Variants in STOX2 observed in about 807,000 individuals in gnomAD.
STOX2 encodes the protein storkhead box 2.
Under a neutral mutation model 60.9 loss-of-function variants are expected in STOX2, and 28 were observed. The observed-to-expected ratio is 0.46, with a 90% CI of 0.34 to 0.63. The LOEUF (loss-of-function observed/expected upper bound fraction) is 0.63, where lower values mean the gene tolerates loss of function less well. STOX2 is among the 30% of genes least tolerant of loss of function. The pLI is 0.01. For synonymous variants in STOX2, 472 were observed against 463.9 expected (o/e 1.02, Z -0.22); for missense variants, 1,024 against 1,187.7 (o/e 0.86, Z 2.03).
chr4:183,955,536 C>T (rs113589168), intron 1 of STOX2, among the ~76,000 whole-genome samples: 19 of 152,206 alleles, frequency 1.2e-4, no homozygotes, highest in African/African-American at 4.1e-4. Flanking sequence ...CTCCTCTGAT[C>T]GGGACTAGTA....
rs1282980364 is a variant in STOX2 at position 184,020,771 on chromosome 4, ATGT to A, written c.*3491_*3493del. On this transcript the variant is annotated 3_prime_UTR_variant, in exon 4 of 4. Transcript: ENST00000308497. ...AAAATAACAAATTACTTCTTCTCTG[ATGT>A]TGTGAAGGTCAGGTTCAGGAAGCAT... 2 of 152,150 alleles carry A rather than the reference ATGT, an allele frequency of 1.3e-5. No individual in the cohort carries two copies. Among genetic ancestry groups the A allele is most frequent in the African/African-American group, 2.4e-5 (1 of 41,438 alleles). 9.4% of individuals were successfully genotyped at this position (152,150 alleles called of 1,614,324 possible). A position where few individuals can be genotyped will look rare whatever the true frequency, so the allele number is the denominator to read the frequency against.
chr4:183,897,641 A>C (rs1741367484), intron 1 of STOX2, among the ~76,000 whole-genome samples: 1 of 152,234 alleles, frequency 6.6e-6, no homozygotes, highest in East Asian at 1.9e-4. Context: ...AGCTTGATAA[A>C]AGAGCCTCAT....
At chr4:183,899,710 A>G (rs1460102975) in intron 1 of STOX2, among the ~76,000 whole-genome samples, 1 of 152,228 alleles carries the variant, frequency 6.6e-6, no homozygotes, top group African/African-American at 2.4e-5. Context: ...TCTCCATAAC[A>G]TAAAAGTGCA....
At chr4:183,847,625 A>T (rs1349169455) in intron 1 of STOX2, among the ~76,000 whole-genome samples, 3 of 152,202 alleles carry the variant, frequency 2.0e-5, no homozygotes, top group Non-Finnish European at 4.4e-5. Context: ...GCTGTCTTCA[A>T]GACCACAATC....
intron 1 of STOX2, among the ~76,000 whole-genome samples, chr4:183,973,428 T>A (rs1172135628): frequency 6.6e-6 from 1 of 152,146 alleles, no homozygotes; most frequent in Non-Finnish European, 1.5e-5. Flanking sequence ...ACAAGTTGAA[T>A]GACTGAAGAT....
intron 1 of STOX2, among the ~76,000 whole-genome samples, chr4:183,980,637 TCTTTA>T (rs966035720): frequency 1.3e-5 from 2 of 152,178 alleles, no homozygotes; most frequent in Non-Finnish European, 2.9e-5. Flanking sequence ...GGCCAGTATT[TCTTTA>T]CTTTACACTC....
At chr4:183,822,255 A>G (rs1739319028) in intron 1 of STOX2, among the ~76,000 whole-genome samples, 1 of 152,212 alleles carries the variant, frequency 6.6e-6, no homozygotes, top group African/African-American at 2.4e-5. Flanking sequence ...GCTTAGATTG[A>G]GAAGTAACCC....
At position 183,938,569 on chromosome 4, in the gene STOX2, G is replaced by A. The variant is rs577856646; in HGVS notation, c.166+31613G>A. On this transcript the variant is annotated intron_variant, in intron 1 of 3. Coordinates refer to ENST00000308497, the MANE Select transcript of STOX2 (RefSeq NM_020225.3). ...CTGTAATCCCAGCTACTCAGGAGGC[G>A]GAGGCAGGAGAATTGCTTGAACCCA... Among the ~76,000 whole-genome samples the A allele has an allele frequency of 4.2e-4, 63 of 151,422 alleles. 1 individual carries two copies. Among genetic ancestry groups the A allele is most frequent in the African/African-American group, 1.5e-3 (62 of 41,264 alleles).
At chr4:183,881,032 G>A (rs1006944791) in intron 1 of STOX2, among the ~76,000 whole-genome samples, 7 of 152,208 alleles carry the variant, frequency 4.6e-5, no homozygotes, top group African/African-American at 1.4e-4. Flanking sequence ...CAACAGAGCT[G>A]TAGGGTGGTA....
intron 1 of STOX2, among the ~76,000 whole-genome samples, chr4:183,811,964 C>T (rs559577194): frequency 5.3e-4 from 65 of 123,010 alleles, no homozygotes; most frequent in African/African-American, 2.2e-3. Context: ...GACAGGGTCT[C>T]ACTCTCACCC....
chr4:183,986,691 G>A (rs1015445611), intron 1 of STOX2, among the ~76,000 whole-genome samples: 1 of 152,356 alleles, frequency 6.6e-6, no homozygotes, highest in Middle Eastern at 3.4e-3. Context: ...CGGGTTATAC[G>A]TTTTGTAGCC....
chr4:184,015,878 G>A (rs1175110335), intron 3 of STOX2: 1 of 152,178 alleles, frequency 6.6e-6, no homozygotes, highest in Non-Finnish European at 1.5e-5. Context: ...CCACATTGAG[G>A]CCCTGGCACA....
intron 1 of STOX2, among the ~76,000 whole-genome samples, chr4:183,817,457 G>A (rs939941863): frequency 1.3e-5 from 2 of 152,128 alleles, no homozygotes; most frequent in African/African-American, 4.8e-5. Flanking sequence ...TGGATCGCCA[G>A]GGAAAAAATC....
intron 1 of STOX2, among the ~76,000 whole-genome samples, chr4:183,983,577 C>G (rs1732731859): frequency 1.3e-5 from 2 of 152,284 alleles, no homozygotes; most frequent in Admixed American, 6.5e-5. Flanking sequence ...CAAGAAGTCC[C>G]TGGGGGAAGC....
chr4:183,807,834 G>C (rs1463359683), intron 1 of STOX2, among the ~76,000 whole-genome samples: 1 of 152,214 alleles, frequency 6.6e-6, no homozygotes, highest in South Asian at 2.1e-4. Flanking sequence ...AGAAGATAGA[G>C]GAAGAGGAGG....
At chr4:183,942,290 T>C (rs538171739) in intron 1 of STOX2, among the ~76,000 whole-genome samples, 1 of 151,828 alleles carries the variant, frequency 6.6e-6, no homozygotes, top group Admixed American at 6.6e-5. Flanking sequence ...TTGTAAATTA[T>C]CTTACACATT....
At chr4:183,975,188 A>G (rs979089698) in intron 1 of STOX2, among the ~76,000 whole-genome samples, 2 of 152,128 alleles carry the variant, frequency 1.3e-5, no homozygotes, top group Non-Finnish European at 2.9e-5. Context: ...TAGCTAAATC[A>G]GGGCTTAGAG....
rs56116030 is a variant in STOX2, at chr4:184,018,464, G to GCCCC, written c.*1183_*1184insCCCC. 1 of 151,760 alleles carries GCCCC rather than the reference G, an allele frequency of 6.6e-6. No individual in the cohort carries two copies. The highest frequency in any genetic ancestry group is 2.4e-5 in the African/African-American group (1 of 41,340). 9.4% of individuals were successfully genotyped at this position (151,760 alleles called of 1,614,324 possible). The stretch of plus-strand genomic sequence containing the variant: ...AATTTTTGATTAGAAATATACATGT[G>GCCCC]CCCATGTAATAAACAACAGAATGTG... On this transcript the variant is annotated 3_prime_UTR_variant, in exon 4 of 4. Transcript: ENST00000308497.
At chr4:183,831,792 A>C (rs1354318145) in intron 1 of STOX2, among the ~76,000 whole-genome samples, 11 of 152,070 alleles carry the variant, frequency 7.2e-5, no homozygotes, top group Non-Finnish European at 1.3e-4. Context: ...AATTTTGTTA[A>C]GCTTATCTGC....
Sources: gnomAD v4.1 joint callset for allele counts (sites outside exome capture counted in the v4.1 genomes callset) on GRCh38, gnomAD v4.1.1 for gene constraint, MANE v1.5 for transcripts, NCBI Gene and HGNC (gene_info 2026-07-23, HGNC 2026-07-21) for gene names.